The following INSC variants were observed in gnomAD, a reference collection of about 807,000 sequenced individuals.
The protein encoded by INSC is protein inscuteable homolog.
INSC carries 67 observed loss-of-function variants against 58.6 expected under a neutral mutation model. That is an observed-to-expected ratio of 1.14 (90% confidence interval 0.94 to 1.40). The LOEUF is 1.40. INSC is among the 40% of genes most tolerant of loss of function. The probability of loss-of-function intolerance (pLI) is 0.00; values close to 1 mark genes in which losing one functional copy is unlikely to be tolerated. For synonymous variants in INSC, 262 were observed against 276.1 expected (o/e 0.95, Z 0.51); for missense variants, 714 against 692.0 (o/e 1.03, Z -0.36).
At chr11:15,206,222 T>A (rs1171312445) in intron 7 of INSC, among the ~76,000 whole-genome samples, 1 of 152,148 alleles carries the variant, frequency 6.6e-6, no homozygotes, top group Non-Finnish European at 1.5e-5. Flanking sequence ...GGCTGTCCCA[T>A]GGCCATCAGA....
chr11:15,255,527 C>A, the INSC span, among the ~76,000 whole-genome samples: 3 of 152,118 alleles, frequency 2.0e-5, no homozygotes, highest in Non-Finnish European at 2.9e-5. Flanking sequence ...ATTTTTAAAG[C>A]AATGACAGCC....
chr11:15,201,908 T>G (rs183554741), intron 7 of INSC, among the ~76,000 whole-genome samples: 261 of 152,248 alleles, frequency 1.7e-3, no homozygotes, highest in African/African-American at 6.0e-3. Flanking sequence ...GCAGCCCAAA[T>G]AACTCCACCC....
intron 5 of INSC, among the ~76,000 whole-genome samples, chr11:15,186,852 G>C (rs543098387): frequency 2.2e-4 from 34 of 151,778 alleles, no homozygotes; most frequent in Middle Eastern, 6.8e-3. Flanking sequence ...CCTGTGTTCC[G>C]AACTCTACTA....
intron 12 of INSC, among the ~76,000 whole-genome samples, chr11:15,242,910 C>A (rs908322403): frequency 1.3e-5 from 2 of 152,182 alleles, no homozygotes; most frequent in African/African-American, 4.8e-5. Flanking sequence ...TAGAGGCCTG[C>A]ACTTTTCAAC....
At position 15,221,653 on chromosome 11, in the gene INSC, G is replaced by C; in HGVS notation, c.991+5G>C. On this transcript the variant is annotated splice_donor_5th_base_variant and intron_variant, in intron 8 of 12. Transcript: ENST00000379556. Reference sequence around the variant, plus strand: ...AGATCGTGACAGCCCTCGTCAGTGAGTCACCCTGGGCAGCGGGACCACTAG... The same window carrying C: ...AGATCGTGACAGCCCTCGTCAGTGACTCACCCTGGGCAGCGGGACCACTAG... 1 of 1,607,704 alleles carries C rather than the reference G, an allele frequency of 6.2e-7. No homozygotes were observed. Among genetic ancestry groups the C allele is most frequent in the Non-Finnish European group, 8.5e-7 (1 of 1,176,202 alleles).
intron 2 of INSC, among the ~76,000 whole-genome samples, chr11:15,169,302 G>C (rs1311573058): frequency 6.6e-6 from 1 of 152,144 alleles, no homozygotes; most frequent in Non-Finnish European, 1.5e-5. Flanking sequence ...AAGCTACTGG[G>C]AGTAGCTATG....
chr11:15,243,890 C>CTT (rs900048230), intron 12 of INSC, among the ~76,000 whole-genome samples: 8 of 141,044 alleles, frequency 5.7e-5, no homozygotes, highest in Non-Finnish European at 7.7e-5. Flanking sequence ...GCCACTATTT[C>CTT]TTTTTTTTTT....
At chr11:15,226,747 C>T (rs2133945108) in intron 9 of INSC, among the ~76,000 whole-genome samples, 1 of 152,332 alleles carries the variant, frequency 6.6e-6, no homozygotes, top group East Asian at 1.9e-4. Context: ...CTGATGGTTT[C>T]AGCCCTCTGG....
intron 1 of INSC, among the ~76,000 whole-genome samples, chr11:15,131,431 G>A (rs974373530): frequency 6.6e-6 from 1 of 151,960 alleles, no homozygotes. Context: ...AATGATTCAT[G>A]AGTGCTTGAA....
At chr11:15,219,562 T>C (rs575819839) in intron 7 of INSC, among the ~76,000 whole-genome samples, 1 of 152,190 alleles carries the variant, frequency 6.6e-6, no homozygotes, top group Admixed American at 6.5e-5. Context: ...CAGCAGACCC[T>C]GGGGACCATC....
chr11:15,115,930 G>A (rs1244373392), intron 1 of INSC, among the ~76,000 whole-genome samples: 1 of 152,164 alleles, frequency 6.6e-6, no homozygotes, highest in Non-Finnish European at 1.5e-5. Flanking sequence ...TCCCACTTTT[G>A]CCCCTTTTAA....
intron 2 of INSC, among the ~76,000 whole-genome samples, chr11:15,173,168 A>AAAC (rs1849459303): frequency 6.6e-6 from 1 of 152,230 alleles, no homozygotes; most frequent in Non-Finnish European, 1.5e-5. Flanking sequence ...CGCAATATGG[A>AAAC]ATAGTGTTCA....
chr11:15,236,105 T>C (rs116287809), intron 10 of INSC, among the ~76,000 whole-genome samples: 1 of 151,290 alleles, frequency 6.6e-6, no homozygotes, highest in African/African-American at 2.4e-5. Context: ...CATGCTTGCC[T>C]GAGCATATAT....
chr11:15,191,902 C>G (rs1337697606), intron 6 of INSC, among the ~76,000 whole-genome samples: 1 of 152,152 alleles, frequency 6.6e-6, no homozygotes, highest in Non-Finnish European at 1.5e-5. Context: ...AGATATTGGC[C>G]AGTGTTCAGC....
At chr11:15,240,019 C>CT (rs1240939725) in intron 11 of INSC, among the ~76,000 whole-genome samples, 1 of 151,952 alleles carries the variant, frequency 6.6e-6, no homozygotes, top group Non-Finnish European at 1.5e-5. Context: ...ATGAGGGTGT[C>CT]TTTTTTTTCT....
chr11:15,125,073 A>T (rs1847960858), intron 1 of INSC, among the ~76,000 whole-genome samples: 2 of 152,172 alleles, frequency 1.3e-5, no homozygotes, highest in Non-Finnish European at 2.9e-5. Context: ...TACGGAGAAT[A>T]ATAAGGGAGC....
chr11:15,256,691 T>C, the INSC span, among the ~76,000 whole-genome samples: 2 of 152,086 alleles, frequency 1.3e-5, no homozygotes. Context: ...GGTTTCACCA[T>C]GTTGGTGAGG....
rs184999961 is a variant in INSC at position 15,207,836 on chromosome 11, C to T, written c.819+6887C>T. Among the ~76,000 whole-genome samples the T allele has an allele frequency of 1.2e-3, 187 of 152,302 alleles. 3 individuals carry two copies. Among genetic ancestry groups the T allele is most frequent in the Admixed American group, 0.012 (185 of 15,296 alleles). The stretch of plus-strand genomic sequence containing the variant: ...CACCATTATGCCCATTTGCTTTTCA[C>T]GGTCATTTTGTAAGGAAGGCAGGGA... On this transcript the variant is annotated intron_variant, in intron 7 of 12. Transcript: ENST00000379556.
the INSC span, among the ~76,000 whole-genome samples, chr11:15,268,528 C>T: frequency 6.6e-6 from 1 of 152,084 alleles, no homozygotes; most frequent in East Asian, 1.9e-4. Flanking sequence ...ATCAAGATGG[C>T]AGAAGTTATA....
Sources: allele counts gnomAD v4.1 joint callset (sites outside exome capture counted in the v4.1 genomes callset), GRCh38; gene constraint gnomAD v4.1.1; transcripts MANE v1.5; gene names NCBI Gene and HGNC (gene_info 2026-07-23, HGNC 2026-07-21).